Variants in ARID1A observed in about 807,000 individuals in gnomAD.
The protein encoded by ARID1A is AT-rich interactive domain-containing protein 1A.
ARID1A carries 20 observed loss-of-function variants against 212.6 expected under a neutral mutation model. The ratio of observed to expected loss-of-function variants is 0.09; its 90% CI spans 0.07 to 0.14. ARID1A has a LOEUF of 0.14. ARID1A is among the 10% of genes least tolerant of loss of function. ARID1A has a pLI of 1.00. For synonymous variants in ARID1A, 1,376 were observed against 1,222.1 expected, an observed-to-expected ratio of 1.13 and a Z score of -2.63; for missense variants, 2,587 against 3,059.0, an observed-to-expected ratio of 0.85 and a Z score of 3.64.
rs1440564458 is a variant in ARID1A, at chr1:26,779,005, T to C, written c.5125-18T>C. ...CACTTTTCTCCCTTAATTTATTTCC[T>C]GTTCTTTCTCTTTTTAGCTCCCAGG... On this transcript the variant is annotated intron_variant, in intron 19 of 19. Coordinates refer to ENST00000324856, the MANE Select transcript of ARID1A (RefSeq NM_006015.6). 3.3e-6 allele frequency: 5 copies of C among 1,499,928 alleles called. No individual in the cohort carries two copies. The highest frequency in any genetic ancestry group is 2.8e-5 in the African/African-American group (2 of 71,448). 92.9% of individuals were successfully genotyped at this position (1,499,928 alleles called of 1,614,324 possible).
chr1:26,773,226 T>TA, intron 14 of ARID1A, 120 bp from the exon 15 acceptor site: 1 of 1,415,878 alleles, frequency 7.1e-7, no homozygotes, highest in Non-Finnish European at 9.5e-7. Context: ...ATCTCTGTTT[T>TA]GAACTTGTCT....
intron 4 of ARID1A, among the ~76,000 whole-genome samples, chr1:26,742,103 C>T (rs2080793256): frequency 6.6e-6 from 1 of 152,230 alleles, no homozygotes; most frequent in African/African-American, 2.4e-5. Context: ...TTTCCTCCAG[C>T]ATCCCACCCA....
chr1:26,751,698 A>G (rs1200845114), intron 4 of ARID1A, among the ~76,000 whole-genome samples: 2 of 152,210 alleles, frequency 1.3e-5, no homozygotes, highest in Non-Finnish European at 2.9e-5. Context: ...TTCAAAAGGA[A>G]TATATAAAGG....
At chr1:26,705,748 A>G (rs2080385954) in intron 1 of ARID1A, among the ~76,000 whole-genome samples, 2 of 152,136 alleles carry the variant, frequency 1.3e-5, no homozygotes, top group Admixed American at 6.5e-5. Flanking sequence ...ATTTAAATGG[A>G]TGAAATTAGT....
chr1:26,711,290 A>G (rs1177274832), intron 1 of ARID1A, among the ~76,000 whole-genome samples: 1 of 151,648 alleles, frequency 6.6e-6, no homozygotes, highest in Non-Finnish European at 1.5e-5. Flanking sequence ...TTATTTATTT[A>G]TATATATTTT....
rs1027296882 is a variant in ARID1A at position 26,781,764 on chromosome 1, C to T, written c.*1008C>T. 6 of 233,644 alleles carry T rather than the reference C, an allele frequency of 2.6e-5. No homozygotes were observed. The highest frequency in any genetic ancestry group is 1.3e-4 in the African/African-American group (6 of 45,368). 14.5% of individuals were successfully genotyped at this position (233,644 alleles called of 1,614,324 possible). On this transcript the variant is annotated 3_prime_UTR_variant, in exon 20 of 20. Coordinates refer to ENST00000324856, the MANE Select transcript of ARID1A (RefSeq NM_006015.6). Reference sequence around the variant, plus strand: ...TAATCTCTTGCCAGATATCGCCCCTCTTGGTGCGATGCTGTACAGGTCTCT... The same window carrying T: ...TAATCTCTTGCCAGATATCGCCCCTTTTGGTGCGATGCTGTACAGGTCTCT...
chr1:26,720,501 T>G (rs949910098), intron 1 of ARID1A, among the ~76,000 whole-genome samples: 15 of 151,742 alleles, frequency 9.9e-5, no homozygotes, highest in Non-Finnish European at 1.6e-4. Flanking sequence ...GGTACAACCT[T>G]AATTTATTTG....
chr1:26,705,485 G>GA (rs1171124787), intron 1 of ARID1A, among the ~76,000 whole-genome samples: 1 of 149,810 alleles, frequency 6.7e-6, no homozygotes, highest in Non-Finnish European at 1.5e-5. Flanking sequence ...ATGACCTGCT[G>GA]AAAGTACTGG....
At chr1:26,777,782 A>AT (rs1452038159) in intron 19 of ARID1A, among the ~76,000 whole-genome samples, 38 of 152,000 alleles carry the variant, frequency 2.5e-4, no homozygotes, top group African/African-American at 9.2e-4. Context: ...AACTATAAAA[A>AT]TTAGGCTGGG....
chr1:26,723,317 T>G (rs767304285), intron 1 of ARID1A, among the ~76,000 whole-genome samples: 1 of 152,182 alleles, frequency 6.6e-6, no homozygotes, highest in Non-Finnish European at 1.5e-5. Context: ...CACTTGCCCC[T>G]GCCTGGAATG....
At chr1:26,743,745 T>A (rs944174795) in intron 4 of ARID1A, among the ~76,000 whole-genome samples, 2 of 143,108 alleles carry the variant, frequency 1.4e-5, no homozygotes, top group Non-Finnish European at 3.0e-5. Context: ...GGCAAGAGAA[T>A]CGCTTGAACC....
At chr1:26,746,705 A>G (rs930903308) in intron 4 of ARID1A, among the ~76,000 whole-genome samples, 7 of 152,140 alleles carry the variant, frequency 4.6e-5, no homozygotes, top group Non-Finnish European at 1.0e-4. Flanking sequence ...CATCCTGGAC[A>G]ACATGGTGAA....
intron 1 of ARID1A, among the ~76,000 whole-genome samples, chr1:26,703,905 A>G (rs2080362656): frequency 6.6e-6 from 1 of 152,258 alleles, no homozygotes; most frequent in South Asian, 2.1e-4. Flanking sequence ...GGTTTCATAA[A>G]TGGATGTAGA....
intron 4 of ARID1A, among the ~76,000 whole-genome samples, chr1:26,757,487 G>A (rs1264421736): frequency 1.3e-5 from 2 of 150,994 alleles, no homozygotes; most frequent in African/African-American, 2.4e-5. Context: ...AAAAAAAAAG[G>A]AAATAAAAAC....
chr1:26,755,609 A>G (rs1270824296), intron 4 of ARID1A, among the ~76,000 whole-genome samples: 1 of 152,186 alleles, frequency 6.6e-6, no homozygotes. Context: ...TTAGGCTCCT[A>G]GGATCCCTCA....
chr1:26,753,089 A>C (rs560944778), intron 4 of ARID1A: 3 of 152,172 alleles, frequency 2.0e-5, no homozygotes, highest in Admixed American at 6.5e-5. Flanking sequence ...ATGTGGCTCT[A>C]TTGGGAGATA....
chr1:26,760,168 C>G (rs1378419517), intron 4 of ARID1A, among the ~76,000 whole-genome samples: 2 of 152,162 alleles, frequency 1.3e-5, no homozygotes, highest in African/African-American at 2.4e-5. Context: ...TTTCTTATGA[C>G]TGTAGAAGTT....
At chr1:26,769,610 T>C (rs942957573) in intron 11 of ARID1A, 1 of 152,296 alleles carries the variant, frequency 6.6e-6, no homozygotes, top group African/African-American at 2.4e-5. Flanking sequence ...CCCCTCTAGG[T>C]TGTCCCCCTC....
At position 26,696,137 on chromosome 1, in the gene ARID1A, T is replaced by G; in HGVS notation, c.-267T>G. ...GGGGGAATGAGCCGGGAGAGCCGGG[T>G]CCCGAGCCTACAGAGCCGGGAGCAG... is the stretch of plus-strand genomic sequence containing the variant. On this transcript the variant is annotated 5_prime_UTR_variant, in exon 1 of 20. Coordinates refer to ENST00000324856, the MANE Select transcript of ARID1A (RefSeq NM_006015.6). 2.1e-6 allele frequency: 1 copy of G among 475,092 alleles called. No homozygotes were observed. Among genetic ancestry groups the G allele is most frequent in the Non-Finnish European group, 3.0e-6 (1 of 333,578 alleles). 29.4% of individuals were successfully genotyped at this position (475,092 alleles called of 1,614,324 possible). A position where few individuals can be genotyped will look rare whatever the true frequency, so the allele number is the denominator to read the frequency against.
Sources: gnomAD v4.1 joint callset for allele counts (sites outside exome capture counted in the v4.1 genomes callset) on GRCh38, gnomAD v4.1.1 for gene constraint, MANE v1.5 for transcripts, NCBI Gene and HGNC (gene_info 2026-07-23, HGNC 2026-07-21) for gene names.